Variants in MTCL2 observed in about 807,000 individuals in gnomAD.
MTCL2 encodes microtubule cross-linking factor 2.
At chr20:36,863,043 G>C in the MTCL2 span, 1 of 1,407,446 alleles carries the variant, frequency 7.1e-7, no homozygotes, top group Non-Finnish European at 9.3e-7. The surrounding 1 kb of genome is among the most constrained non-coding windows in gnomAD (Gnocchi z 6.2). Context: ...ACCCGAGCGC[G>C]GACGGCCCTT....
At chr20:36,817,654 A>G in the MTCL2 span, among the ~76,000 whole-genome samples, 1 of 152,136 alleles carries the variant, frequency 6.6e-6, no homozygotes, top group Non-Finnish European at 1.5e-5. Context: ...GTGAGCAGCA[A>G]TGGGAGATAG....
chr20:36,813,386 T>C, the MTCL2 span, among the ~76,000 whole-genome samples: 2 of 128,426 alleles, frequency 1.6e-5, no homozygotes, highest in African/African-American at 3.0e-5. Context: ...GATCAACAGG[T>C]CTTGAGTTAA....
At chr20:36,784,734 G>A in the MTCL2 span, 2 of 985,584 alleles carry the variant, frequency 2.0e-6, no homozygotes, top group Non-Finnish European at 2.4e-6. Flanking sequence ...GGGACGTGAG[G>A]AAGGGCGGGC....
chr20:36,798,132 C>G, the MTCL2 span, among the ~76,000 whole-genome samples: 1 of 151,610 alleles, frequency 6.6e-6, no homozygotes, highest in East Asian at 1.9e-4. Flanking sequence ...TGCTGTGGTA[C>G]GATCGCAGCT....
chr20:36,835,392 G>T, the MTCL2 span, among the ~76,000 whole-genome samples: 23 of 151,990 alleles, frequency 1.5e-4, no homozygotes, highest in Non-Finnish European at 2.2e-4. Flanking sequence ...AAAACCACAG[G>T]AGCTCAAAAG....
the MTCL2 span, chr20:36,804,793 G>A: frequency 6.2e-7 from 1 of 1,613,944 alleles, no homozygotes; most frequent in Non-Finnish European, 8.5e-7. Flanking sequence ...CTTGGCCTTG[G>A]CAAACTGTTG....
chr20:36,808,380 T>A, the MTCL2 span: 2 of 679,132 alleles, frequency 2.9e-6, no homozygotes, highest in Admixed American at 6.0e-5. Context: ...AAGCAACGAA[T>A]GCAGGAAGGA....
the MTCL2 span, chr20:36,780,543 G>C: frequency 2.0e-5 from 3 of 152,210 alleles, no homozygotes; most frequent in Non-Finnish European, 1.5e-5. Context: ...GGGGTGAGGA[G>C]AGTATTGTCC....
chr20:36,838,255 T>C, the MTCL2 span, among the ~76,000 whole-genome samples: 8 of 152,128 alleles, frequency 5.3e-5, no homozygotes, highest in Non-Finnish European at 7.4e-5. Context: ...TTTCACTGTA[T>C]TAGCCAGGAT....
At chr20:36,859,223 A>C in the MTCL2 span, among the ~76,000 whole-genome samples, 45 of 152,332 alleles carry the variant, frequency 3.0e-4, no homozygotes, top group Non-Finnish European at 6.0e-4. Flanking sequence ...AGATTCCTCC[A>C]TCCACACCCA....
the MTCL2 span, chr20:36,797,098 T>C: frequency 1.3e-6 from 1 of 763,868 alleles, no homozygotes. Flanking sequence ...CATGGTCAGT[T>C]TCTGGCTGCC....
At chr20:36,810,726 C>CTCTCTCTCTCTT in the MTCL2 span, among the ~76,000 whole-genome samples, 518 of 144,918 alleles carry the variant, frequency 3.6e-3, 13 homozygotes, top group Admixed American at 0.033. Flanking sequence ...CCCTCTCTCT[C>CTCTCTCTCTCTT]TCTCTCTCTC....
the MTCL2 span, among the ~76,000 whole-genome samples, chr20:36,848,220 G>A: frequency 1.3e-5 from 2 of 152,166 alleles, no homozygotes; most frequent in Non-Finnish European, 2.9e-5. Context: ...CACCCAAGGA[G>A]GGTAGGCAGG....
the MTCL2 span, chr20:36,808,835 T>C: frequency 8.3e-7 from 1 of 1,197,964 alleles, no homozygotes; most frequent in Non-Finnish European, 1.1e-6. Flanking sequence ...GAGGAAAGTC[T>C]GGGTGGTGCC....
At chr20:36,823,316 A>T in the MTCL2 span, among the ~76,000 whole-genome samples, 3 of 152,334 alleles carry the variant, frequency 2.0e-5, no homozygotes, top group South Asian at 6.2e-4. Context: ...GCAGCTCTAG[A>T]CACAGAGCTC....
chr20:36,812,894 G>T, the MTCL2 span: 6 of 1,574,442 alleles, frequency 3.8e-6, no homozygotes, highest in Non-Finnish European at 5.2e-6. Context: ...CATGGGGAGG[G>T]GCCCGAGGGG....
At chr20:36,816,384 G>C in the MTCL2 span, 11 of 1,276,090 alleles carry the variant, frequency 8.6e-6, 1 homozygote. Context: ...ATTTTGGGGA[G>C]CACTATGTGC....
the MTCL2 span, chr20:36,785,175 A>G: frequency 7.1e-6 from 7 of 985,286 alleles, no homozygotes; most frequent in African/African-American, 1.2e-4. Flanking sequence ...GTTGGGGTGC[A>G]GGGCTCCAGC....
chr20:36,783,515 C>T, the MTCL2 span: 38 of 154,156 alleles, frequency 2.5e-4, no homozygotes, highest in Non-Finnish European at 4.6e-4. Flanking sequence ...GGGGATTGAG[C>T]CCCGAGGGTT....
Sources: gnomAD v4.1 joint callset for allele counts (sites outside exome capture counted in the v4.1 genomes callset) on GRCh38, gnomAD v4.1.1 for gene constraint, Gnocchi (gnomAD v3.1) non-coding constraint, MANE v1.5 for transcripts, NCBI Gene and HGNC (gene_info 2026-07-23, HGNC 2026-07-21) for gene names.